Variants in MACROD2 observed in about 807,000 individuals in gnomAD.
MACROD2 encodes the protein mono-ADP ribosylhydrolase 2, also known as ADP-ribose glycohydrolase MACROD2.
In MACROD2, 36 loss-of-function variants were observed where a neutral mutation model predicts 70.4. The observed-to-expected ratio is 0.51, with a 90% CI of 0.39 to 0.68. The LOEUF (loss-of-function observed/expected upper bound fraction) is 0.68, where lower values mean the gene tolerates loss of function less well. Among genes scored for constraint, MACROD2 ranks in the 30% least tolerant of loss-of-function variants. The pLI is 0.00. For synonymous variants in MACROD2, 172 were observed against 178.8 expected, an observed-to-expected ratio of 0.96 and a Z score of 0.30; for missense variants, 496 against 538.4, an observed-to-expected ratio of 0.92 and a Z score of 0.78.
chr20:15,173,806 T>TA (rs1478670854), intron 5 of MACROD2, among the ~76,000 whole-genome samples: 1 of 152,190 alleles, frequency 6.6e-6, no homozygotes, highest in Non-Finnish European at 1.5e-5. Context: ...AGTCCTACTG[T>TA]AATCTGAGTA....
chr20:15,970,845 A>T (rs1191914589), intron 13 of MACROD2, among the ~76,000 whole-genome samples: 1 of 152,168 alleles, frequency 6.6e-6, no homozygotes, highest in Non-Finnish European at 1.5e-5. Flanking sequence ...GAAAGCCTCA[A>T]CATTCATAAA....
At chr20:15,623,236 A>G (rs1463304498) in intron 8 of MACROD2, among the ~76,000 whole-genome samples, 1 of 152,234 alleles carries the variant, frequency 6.6e-6, no homozygotes, top group African/African-American at 2.4e-5. Flanking sequence ...AATCTAATGT[A>G]AACTATATAC....
In MACROD2 at chr20:14,846,242, G is replaced by A. The variant is rs151315878; in HGVS notation, c.418+161283G>A. Among the ~76,000 whole-genome samples, 130 of 151,780 alleles carry A rather than the reference G, an allele frequency of 8.6e-4. 1 individual carries two copies. The East Asian group carries it at 0.021, about 25-fold the overall frequency. On this transcript the variant is annotated intron_variant, in intron 5 of 17. Coordinates refer to ENST00000684519, the MANE Select transcript of MACROD2 (RefSeq NM_001351661.2). ...GTCAACTTTTTTCTTTTTTTGAGAC[G>A]GAGTCTCGCACTGCACACTGTCACC...
chr20:14,442,948 G>A (rs1194418108), intron 3 of MACROD2, among the ~76,000 whole-genome samples: 2 of 151,790 alleles, frequency 1.3e-5, no homozygotes, highest in Non-Finnish European at 2.9e-5. Flanking sequence ...GTGTGGTGGC[G>A]GGCGCCTGTA....
chr20:15,681,890 G>T (rs1426508304), intron 8 of MACROD2, among the ~76,000 whole-genome samples: 1 of 152,154 alleles, frequency 6.6e-6, no homozygotes, highest in Non-Finnish European at 1.5e-5. Context: ...GGACTAAGAA[G>T]CTTAGACATT....
intron 8 of MACROD2, among the ~76,000 whole-genome samples, chr20:15,531,015 T>C (rs930431861): frequency 2.0e-5 from 3 of 150,932 alleles, no homozygotes; most frequent in African/African-American, 7.3e-5. Context: ...TTTTTTTTTT[T>C]ACAAATTGCT....
chr20:15,876,200 G>T (rs145812522), intron 9 of MACROD2, among the ~76,000 whole-genome samples: 2,738 of 149,940 alleles, frequency 0.018, 103 homozygotes, highest in African/African-American at 0.064. Context: ...GTGCCATGTC[G>T]GTGTGCTGCA....
At chr20:15,195,630 G>C (rs771261402) in intron 5 of MACROD2, among the ~76,000 whole-genome samples, 1 of 152,194 alleles carries the variant, frequency 6.6e-6, no homozygotes, top group Non-Finnish European at 1.5e-5. Context: ...TACACTGTTG[G>C]TCGGAGTATA....
chr20:15,024,496 G>C (rs976005317), intron 5 of MACROD2, among the ~76,000 whole-genome samples: 8 of 145,622 alleles, frequency 5.5e-5, no homozygotes, highest in Non-Finnish European at 9.1e-5. Context: ...TGATTTGTAG[G>C]GTTTCAAATG....
chr20:14,854,356 T>G (rs895750307), intron 5 of MACROD2, among the ~76,000 whole-genome samples: 2 of 152,206 alleles, frequency 1.3e-5, no homozygotes, highest in African/African-American at 4.8e-5. Context: ...GGAGCCTTGT[T>G]AATTATATAG....
chr20:14,771,395 A>G (rs2072163220), intron 5 of MACROD2, among the ~76,000 whole-genome samples: 1 of 152,080 alleles, frequency 6.6e-6, no homozygotes, highest in African/African-American at 2.4e-5. Context: ...TTCAAACACC[A>G]TATTATAATT....
At chr20:15,720,378 A>T (rs899413830) in intron 8 of MACROD2, among the ~76,000 whole-genome samples, 1 of 152,088 alleles carries the variant, frequency 6.6e-6, no homozygotes, top group Non-Finnish European at 1.5e-5. Flanking sequence ...CCTCCATACT[A>T]TTTCCCATAA....
intron 2 of MACROD2, among the ~76,000 whole-genome samples, chr20:14,084,098 G>A (rs1463078917): frequency 7.1e-6 from 1 of 140,060 alleles, no homozygotes; most frequent in East Asian, 2.1e-4. Context: ...AAAACCTTCC[G>A]GGAGAGAAGC....
At position 15,898,766 on chromosome 20, in the gene MACROD2, T is replaced by G. The variant is rs537135331; in HGVS notation, c.775+12955T>G. 6.6e-5 allele frequency among the ~76,000 whole-genome samples: 10 copies of G among 152,088 alleles called. No homozygotes were observed. In the South Asian group the frequency reaches 2.1e-3, roughly 32 times the overall value. On this transcript the variant is annotated intron_variant, in intron 10 of 17. Coordinates refer to ENST00000684519, the MANE Select transcript of MACROD2 (RefSeq NM_001351661.2). ...TTCAGTGCCTGCTTAGAACTCTTGA[T>G]CCTGGCACTTTATCATTTCGGTTTC...
chr20:15,950,991 G>T (rs1040660091), intron 12 of MACROD2, among the ~76,000 whole-genome samples: 1 of 152,034 alleles, frequency 6.6e-6, no homozygotes, highest in Non-Finnish European at 1.5e-5. Flanking sequence ...CACAGTTTGG[G>T]AAACCATTCC....
At chr20:15,874,067 C>T (rs936118931) in intron 9 of MACROD2, among the ~76,000 whole-genome samples, 4 of 118,378 alleles carry the variant, frequency 3.4e-5, no homozygotes, top group East Asian at 3.0e-4. Context: ...CTCCCCCAGC[C>T]CCCCCACCCC....
At chr20:14,696,060 G>T (rs1419157166) in intron 5 of MACROD2, among the ~76,000 whole-genome samples, 1 of 152,076 alleles carries the variant, frequency 6.6e-6, no homozygotes, top group Non-Finnish European at 1.5e-5. Flanking sequence ...GAAAATGAAA[G>T]CCAAATCACA....
chr20:14,138,436 A>T (rs970212507), intron 3 of MACROD2, among the ~76,000 whole-genome samples: 3 of 152,222 alleles, frequency 2.0e-5, no homozygotes, highest in Admixed American at 2.0e-4. Flanking sequence ...CTTTAAAAAA[A>T]AGGAAATTTC....
At chr20:15,938,126 G>C (rs1358820469) in intron 12 of MACROD2, among the ~76,000 whole-genome samples, 1 of 151,230 alleles carries the variant, frequency 6.6e-6, no homozygotes, top group Non-Finnish European at 1.5e-5. Flanking sequence ...GAAGGAAGAA[G>C]TAGGGAGACA....
Sources: gnomAD v4.1 joint callset for allele counts (sites outside exome capture counted in the v4.1 genomes callset) on GRCh38, gnomAD v4.1.1 for gene constraint, MANE v1.5 for transcripts, NCBI Gene and HGNC (gene_info 2026-07-23, HGNC 2026-07-21) for gene names.